The following ROBO1 variants were observed in gnomAD, a reference collection of about 807,000 sequenced individuals.
ROBO1 encodes the protein roundabout guidance receptor 1, also known as roundabout homolog 1.
Under a neutral mutation model 195.9 loss-of-function variants are expected in ROBO1, and 149 were observed. The observed-to-expected ratio is 0.76, with a 90% CI of 0.67 to 0.87. The LOEUF (loss-of-function observed/expected upper bound fraction) is 0.87, where lower values mean the gene tolerates loss of function less well. ROBO1 is among the 40% of genes least tolerant of loss of function. ROBO1 has a pLI of 0.00. For synonymous variants in ROBO1, 816 were observed against 733.2 expected (o/e 1.11, Z -1.82); for missense variants, 1,933 against 2,068.3 (o/e 0.93, Z 1.27).
At chr3:79,184,425 T>C (rs1200187694) in intron 2 of ROBO1, among the ~76,000 whole-genome samples, 1 of 152,126 alleles carries the variant, frequency 6.6e-6, no homozygotes, top group African/African-American at 2.4e-5. Flanking sequence ...ACTGAACTAG[T>C]ACAATAAATT....
At chr3:79,179,241 T>A (rs2081303131) in intron 2 of ROBO1, among the ~76,000 whole-genome samples, 2 of 152,188 alleles carry the variant, frequency 1.3e-5, no homozygotes, top group Admixed American at 1.3e-4. Context: ...GATACTAGTT[T>A]AGGTCAATTT....
Position 79,197,198 on chromosome 3 carries a change from C to T in ROBO1, c.89-71659G>A, listed in dbSNP as rs929066080. On this transcript the variant is annotated intron_variant, in intron 2 of 30. Coordinates refer to ENST00000464233, the MANE Select transcript of ROBO1 (RefSeq NM_002941.4). ...ATGCTATCTCTCTCCCAGCACCCCACCCCTGATAGACCCTGGTGTGTGATG... is the reference window on the plus strand; with the variant it reads ...ATGCTATCTCTCTCCCAGCACCCCATCCCTGATAGACCCTGGTGTGTGATG... Among the ~76,000 whole-genome samples, 6 of 151,894 alleles carry T rather than the reference C, an allele frequency of 4.0e-5. No individual in the cohort carries two copies. The East Asian group carries it at 7.7e-4, about 20-fold the overall frequency.
intron 2 of ROBO1, among the ~76,000 whole-genome samples, chr3:79,128,424 T>C (rs547870933): frequency 6.6e-6 from 1 of 152,242 alleles, no homozygotes; most frequent in East Asian, 1.9e-4. Context: ...AAATAATAGA[T>C]AAATTAGTAA....
Position 78,598,974 on chromosome 3 carries a change from G to C in ROBO1, c.4942-47C>G, listed in dbSNP as rs1575750643. On this transcript the variant is annotated intron_variant, in intron 30 of 30. Transcript: ENST00000464233. ...CACATTTGAAAATAAATCTTAAGAGGATTGTGTTATATTTATTTATATGCA... is the reference window on the plus strand; with the variant it reads ...CACATTTGAAAATAAATCTTAAGAGCATTGTGTTATATTTATTTATATGCA... 15 of 1,259,558 alleles carry C rather than the reference G, an allele frequency of 1.2e-5. No homozygotes were observed. The East Asian group carries it at 3.6e-4, about 30-fold the overall frequency. The allele number at this position is 1,259,558 out of a possible 1,614,324, so 78.0% of individuals were successfully genotyped here.
At chr3:79,716,456 A>G (rs1702489657) in intron 1 of ROBO1, among the ~76,000 whole-genome samples, 1 of 151,900 alleles carries the variant, frequency 6.6e-6, no homozygotes, top group Non-Finnish European at 1.5e-5. Flanking sequence ...GTACCTGTAT[A>G]TTTTCATTTT....
chr3:79,693,383 T>G (rs1182442753), intron 1 of ROBO1, among the ~76,000 whole-genome samples: 2 of 145,124 alleles, frequency 1.4e-5, no homozygotes, highest in African/African-American at 5.2e-5. Context: ...ATATAGAGAT[T>G]TGTGTGTGTG....
intron 3 of ROBO1, among the ~76,000 whole-genome samples, chr3:79,060,062 T>C (rs2078887066): frequency 6.6e-6 from 1 of 152,104 alleles, no homozygotes; most frequent in East Asian, 2.0e-4. Context: ...GTGAGGTCTC[T>C]AAAATGGTCG....
At chr3:79,135,129 T>C (rs571370221) in intron 2 of ROBO1, among the ~76,000 whole-genome samples, 1 of 152,260 alleles carries the variant, frequency 6.6e-6, no homozygotes, top group South Asian at 2.1e-4. Flanking sequence ...TGTTGTATAA[T>C]GGGTCTCTTG....
At chr3:79,659,834 T>G (rs1008785087) in intron 1 of ROBO1, among the ~76,000 whole-genome samples, 1 of 151,766 alleles carries the variant, frequency 6.6e-6, no homozygotes. Context: ...AAAGGGACAA[T>G]GGTGATAGGG....
chr3:79,695,683 TAA>T (rs1947424670), intron 1 of ROBO1, among the ~76,000 whole-genome samples: 1 of 151,432 alleles, frequency 6.6e-6, no homozygotes, highest in Non-Finnish European at 1.5e-5. Context: ...AAGAGCCTAT[TAA>T]CAAAGAATTA....
At chr3:78,896,807 T>C (rs2037266140) in intron 4 of ROBO1, among the ~76,000 whole-genome samples, 1 of 152,174 alleles carries the variant, frequency 6.6e-6, no homozygotes, top group Non-Finnish European at 1.5e-5. Flanking sequence ...TATTTGTTCA[T>C]CTTGTGTTCA....
chr3:79,201,868 C>A (rs1434373832), intron 2 of ROBO1, among the ~76,000 whole-genome samples: 4 of 149,596 alleles, frequency 2.7e-5, no homozygotes, highest in Non-Finnish European at 5.9e-5. Context: ...TATATAATAT[C>A]TACATCTATT....
At chr3:79,661,843 AG>A (rs34071910) in intron 1 of ROBO1, among the ~76,000 whole-genome samples, 6 of 152,088 alleles carry the variant, frequency 3.9e-5, no homozygotes, top group Admixed American at 6.6e-5. Flanking sequence ...GGTTAACAGC[AG>A]GGAATGTAGC....
intron 3 of ROBO1, among the ~76,000 whole-genome samples, chr3:78,978,649 C>A (rs1320894291): frequency 5.3e-5 from 8 of 152,142 alleles, no homozygotes. Context: ...ACATCCAGGT[C>A]TAGTTCTGCT....
chr3:79,469,370 C>A (rs901713407), intron 2 of ROBO1, among the ~76,000 whole-genome samples: 64 of 152,188 alleles, frequency 4.2e-4, no homozygotes, highest in African/African-American at 1.5e-3. Flanking sequence ...AGGTTAGAAG[C>A]CACGATGGTG....
chr3:79,631,583 A>C (rs1007079158), intron 1 of ROBO1, among the ~76,000 whole-genome samples: 1 of 152,064 alleles, frequency 6.6e-6, no homozygotes, highest in Non-Finnish European at 1.5e-5. Context: ...CAGGCAAAAA[A>C]TTTATGACTT....
intron 1 of ROBO1, among the ~76,000 whole-genome samples, chr3:79,694,003 T>TA (rs747476915): frequency 3.9e-4 from 59 of 150,582 alleles, no homozygotes; most frequent in South Asian, 2.1e-3. Flanking sequence ...CGTGTTAACT[T>TA]AAAAAAAAAG....
chr3:79,665,781 A>G (rs930022801), intron 1 of ROBO1, among the ~76,000 whole-genome samples: 1 of 151,960 alleles, frequency 6.6e-6, no homozygotes, highest in African/African-American at 2.4e-5. Context: ...AATGTCATAG[A>G]TAAAGAGAGA....
chr3:79,670,403 A>G (rs1364420623), intron 1 of ROBO1, among the ~76,000 whole-genome samples: 1 of 134,520 alleles, frequency 7.4e-6, no homozygotes. Flanking sequence ...AAAAAATTCT[A>G]TCTACACAGC....
Sources: allele counts gnomAD v4.1 joint callset (sites outside exome capture counted in the v4.1 genomes callset), GRCh38; gene constraint gnomAD v4.1.1; transcripts MANE v1.5; gene names NCBI Gene and HGNC (gene_info 2026-07-23, HGNC 2026-07-21).